The following ZZEF1 variants were observed in gnomAD, a reference collection of about 807,000 sequenced individuals.
The protein encoded by ZZEF1 is zinc finger ZZ-type and EF-hand domain-containing protein 1.
Under a neutral mutation model 342.8 loss-of-function variants are expected in ZZEF1, and 157 were observed. The observed-to-expected ratio is 0.46, with a 90% confidence interval of 0.40 to 0.52. ZZEF1 has a LOEUF of 0.52. Among genes scored for constraint, ZZEF1 ranks in the 20% least tolerant of loss-of-function variants. The probability of loss-of-function intolerance (pLI) is 0.00; values close to 1 mark genes in which losing one functional copy is unlikely to be tolerated. For missense variants in ZZEF1, 3,480 were observed against 3,725.6 expected (o/e 0.93, Z 1.72); for synonymous variants, 1,505 against 1,429.1 (o/e 1.05, Z -1.20).
At chr17:4,020,016 G>C in intron 45 of ZZEF1, 1 of 397,450 alleles carries the variant, frequency 2.5e-6, no homozygotes. Context: ...GAAATATCCT[G>C]TCAACAAAAT....
chr17:4,110,217 C>A (rs2145477673), intron 5 of ZZEF1, among the ~76,000 whole-genome samples: 1 of 152,250 alleles, frequency 6.6e-6, no homozygotes, highest in South Asian at 2.1e-4. Context: ...TCCTAGGATT[C>A]TGAAATTTGG....
At chr17:4,072,026 T>C (rs528994901) in intron 25 of ZZEF1, among the ~76,000 whole-genome samples, 31 of 151,818 alleles carry the variant, frequency 2.0e-4, no homozygotes, top group Non-Finnish European at 4.0e-4. Flanking sequence ...CGGACTAGCA[T>C]GGATCCAAAG....
chr17:4,132,558 CTTG>C (rs2058678270), intron 1 of ZZEF1, among the ~76,000 whole-genome samples: 1 of 146,378 alleles, frequency 6.8e-6, no homozygotes, highest in Non-Finnish European at 1.5e-5. Flanking sequence ...ATTAGCCGGG[CTTG>C]GTGGCAGGCG....
In ZZEF1 at chr17:4,009,205, CAT is replaced by C; in HGVS notation, c.8734-253_8734-252del. The C allele has an allele frequency of 6.9e-6, 4 of 582,054 alleles. 1 individual carries two copies. The highest frequency in any genetic ancestry group is 6.2e-5 in the South Asian group (3 of 48,656). 36.1% of individuals were successfully genotyped at this position (582,054 alleles called of 1,614,324 possible). ...GGACCCCTCCTCAAGCCAGTTTCCT[CAT>C]GTGTGAAAGGAGAGGGAAGCTAAAG... On this transcript the variant is annotated intron_variant, in intron 53 of 54. Coordinates refer to ENST00000381638, the MANE Select transcript of ZZEF1 (RefSeq NM_015113.4).
At chr17:4,114,267 T>A (rs763104064) in intron 4 of ZZEF1, 32 bp downstream of exon 4, 3 of 1,471,180 alleles carry the variant, frequency 2.0e-6, no homozygotes, top group South Asian at 1.5e-5. Context: ...TCCAAAATTT[T>A]AAAAAACAAA....
Position 4,034,288 on chromosome 17 carries a change from G to C in ZZEF1, c.6311C>G (p.Pro2104Arg). ...AAMLPPLKSG[P>R]TVPLIDLEHV... ...CTCCAGGTCTATCAGGGGAACCGTGGGGCCCTGCCAAGAGAGGGAGAGAAA... is the reference window on the plus strand; with the variant it reads ...CTCCAGGTCTATCAGGGGAACCGTGCGGCCCTGCCAAGAGAGGGAGAGAAA... Residue 2104 changes from proline to arginine, a missense_variant, in exon 40 of 55, where the codon CCC becomes CGC. This residue lies in a region of ZZEF1 where 1,269 missense variants were observed against 1,342.4 expected (regional missense o/e 0.95). Coordinates refer to ENST00000381638, the MANE Select transcript of ZZEF1 (RefSeq NM_015113.4). The C allele has an allele frequency of 6.2e-7, 1 of 1,613,976 alleles. No individual in the cohort carries two copies. Among genetic ancestry groups the C allele is most frequent in the Non-Finnish European group, 8.5e-7 (1 of 1,179,870 alleles).
intron 11 of ZZEF1, among the ~76,000 whole-genome samples, chr17:4,091,931 C>G (rs576154886): frequency 3.3e-5 from 5 of 151,726 alleles, no homozygotes; most frequent in African/African-American, 1.2e-4. Flanking sequence ...ACAAAATTAG[C>G]CAGGCGTGGT....
intron 1 of ZZEF1, among the ~76,000 whole-genome samples, chr17:4,130,067 G>A (rs1385450659): frequency 1.3e-5 from 2 of 152,146 alleles, no homozygotes; most frequent in African/African-American, 4.8e-5. Flanking sequence ...TGGGTGCTGG[G>A]CTTAGTTGTA....
At chr17:4,027,632 C>T (rs2056444768) in intron 42 of ZZEF1, among the ~76,000 whole-genome samples, 1 of 142,918 alleles carries the variant, frequency 7.0e-6, no homozygotes, top group Non-Finnish European at 1.5e-5. Context: ...CAGGCTCCTG[C>T]TCTGTCACCT....
At chr17:4,039,493 CAAAT>C (rs2056751716) in intron 39 of ZZEF1, among the ~76,000 whole-genome samples, 1 of 151,844 alleles carries the variant, frequency 6.6e-6, no homozygotes. Flanking sequence ...AACAAACAAA[CAAAT>C]CCGCCCTGCA....
chr17:4,055,703 C>T (rs1298452488), intron 33 of ZZEF1, among the ~76,000 whole-genome samples: 1 of 152,176 alleles, frequency 6.6e-6, no homozygotes, highest in South Asian at 2.1e-4. Flanking sequence ...GCCAATTTTT[C>T]AATGAGTCTA....
At chr17:4,057,501 C>T (rs1248677951) in intron 32 of ZZEF1, among the ~76,000 whole-genome samples, 2 of 151,984 alleles carry the variant, frequency 1.3e-5, no homozygotes, top group African/African-American at 2.4e-5. Context: ...CGGGCCAAAT[C>T]GGAGGGAAAA....
At chr17:4,024,603 T>C (rs2056361174) in intron 43 of ZZEF1, among the ~76,000 whole-genome samples, 1 of 152,186 alleles carries the variant, frequency 6.6e-6, no homozygotes, top group Non-Finnish European at 1.5e-5. Context: ...TCATCTTCTA[T>C]GATGAAGCAC....
chr17:4,017,984 A>G lies in ZZEF1; in HGVS notation c.7506-13T>C. ...ATCACCATCAAACCTGCAGAAGGGCAGCACAAAGTTGAGTACCAACAGTGT... is the reference window on the plus strand; with the variant it reads ...ATCACCATCAAACCTGCAGAAGGGCGGCACAAAGTTGAGTACCAACAGTGT... On this transcript the variant is annotated splice_polypyrimidine_tract_variant and intron_variant, in intron 46 of 54. Coordinates refer to ENST00000381638, the MANE Select transcript of ZZEF1 (RefSeq NM_015113.4). This position sits in a 1 kb window ranked among gnomAD's most constrained non-coding sequence, Gnocchi z 5.1. 1 of 1,612,368 alleles carries G rather than the reference A, an allele frequency of 6.2e-7. No homozygotes were observed. The highest frequency in any genetic ancestry group is 1.1e-5 in the South Asian group (1 of 91,082).
At chr17:4,027,028 G>A (rs1419226460) in intron 42 of ZZEF1, among the ~76,000 whole-genome samples, 1 of 152,154 alleles carries the variant, frequency 6.6e-6, no homozygotes, top group Admixed American at 6.6e-5. Flanking sequence ...ATCCCAGATG[G>A]AAAACTGAAT....
At chr17:4,036,855 G>A (rs1175749132) in intron 39 of ZZEF1, among the ~76,000 whole-genome samples, 4 of 77,796 alleles carry the variant, frequency 5.1e-5, no homozygotes, top group Non-Finnish European at 1.2e-4. Context: ...CCCGCACCCC[G>A]CCCGCCCGCA....
At chr17:4,070,101 G>A (rs1013425617) in intron 26 of ZZEF1, among the ~76,000 whole-genome samples, 1 of 152,158 alleles carries the variant, frequency 6.6e-6, no homozygotes, top group African/African-American at 2.4e-5. Flanking sequence ...TAAGAGACAT[G>A]AGGAAAAGAG....
rs749444415 is a variant in ZZEF1 at position 4,070,817 on chromosome 17, G to T, written c.3942C>A (p.Phe1314Leu). 1.9e-6 allele frequency: 3 copies of T among 1,614,116 alleles called. No homozygotes were observed. The highest frequency in any genetic ancestry group is 2.5e-6 in the Non-Finnish European group (3 of 1,180,034). ...CGPYSELFKG[F>L]IQACRKQAPK... Reference sequence around the variant, plus strand: ...GGGCCTGTTTTCTACATGCCTGTATGAATCCTTTGAAAAGTTCTGAATATG... The same window carrying T: ...GGGCCTGTTTTCTACATGCCTGTATTAATCCTTTGAAAAGTTCTGAATATG... Residue 1314 changes from phenylalanine (F) to leucine (L), a missense_variant, in exon 26 of 55, where the codon TTC becomes TTA. This residue lies in a region of ZZEF1 where 1,528 missense variants were observed against 1,624.1 expected (regional missense o/e 0.94). Coordinates refer to ENST00000381638, the MANE Select transcript of ZZEF1 (RefSeq NM_015113.4).
rs750872845 is a variant in ZZEF1, at chr17:4,078,034, C to T, written c.2838G>A (p.Leu946=). 9.3e-6 allele frequency: 15 copies of T among 1,613,760 alleles called. No homozygotes were observed. In the South Asian group the frequency reaches 1.6e-4, roughly 18 times the overall value. ...CCCCTGGGGCCCCACTGAGCATTAA[C>T]AGCTCGCACTACAAGGGAGGAGACA... The part of the protein sequence containing the change: ...LVSVAARECE[L]LMLSGAPGEV... The change falls in exon 19 of 55, where the codon CTG becomes CTA. Residue 946 remains leucine (L), a synonymous_variant. Transcript: ENST00000381638.
Sources: allele counts gnomAD v4.1 joint callset (sites outside exome capture counted in the v4.1 genomes callset), GRCh38; gene constraint gnomAD v4.1.1; regional missense constraint gnomAD v4.1.1; non-coding constraint Gnocchi (gnomAD v3.1); transcripts MANE v1.5; gene names NCBI Gene and HGNC (gene_info 2026-07-23, HGNC 2026-07-21).